Variants in CDON observed in about 807,000 individuals in gnomAD.
The protein encoded by CDON is cell adhesion associated, oncogene regulated.
CDON carries 73 observed loss-of-function variants against 120.9 expected under a neutral mutation model. That is an observed-to-expected ratio of 0.60 (90% CI 0.50 to 0.73). CDON has a LOEUF of 0.73. CDON is among the 30% of genes least tolerant of loss of function. The pLI is 0.00. For missense variants in CDON, 1,470 were observed against 1,587.3 expected, an observed-to-expected ratio of 0.93 and a Z score of 1.26; for synonymous variants, 566 against 573.5, an observed-to-expected ratio of 0.99 and a Z score of 0.19.
intron 1 of CDON, among the ~76,000 whole-genome samples, chr11:126,052,027 G>T (rs1467832741): frequency 1.3e-5 from 2 of 151,990 alleles, no homozygotes; most frequent in African/African-American, 2.4e-5. Flanking sequence ...TAGCCTAATA[G>T]GAAACCACAG....
intron 15 of CDON, among the ~76,000 whole-genome samples, 184 bp downstream of exon 15, chr11:125,989,453 T>C (rs531428170): frequency 4.6e-5 from 7 of 152,284 alleles, no homozygotes; most frequent in African/African-American, 1.4e-4. Context: ...TGAGAATCAC[T>C]TGAACCCAGG....
chr11:125,971,298 G>C (rs979794408), intron 18 of CDON, among the ~76,000 whole-genome samples: 3 of 151,954 alleles, frequency 2.0e-5, no homozygotes, highest in African/African-American at 7.3e-5. Flanking sequence ...CAGGAGAATG[G>C]CGTGAACCTG....
intron 1 of CDON, among the ~76,000 whole-genome samples, chr11:126,052,090 T>TAAAAC (rs112365084): frequency 0.035 from 5,244 of 150,620 alleles, 107 homozygotes; most frequent in Middle Eastern, 0.082. Flanking sequence ...GCCATGGGAT[T>TAAAAC]AAAACAAAAC....
At position 125,997,389 on chromosome 11, in the gene CDON, G is replaced by A. The variant is rs1470552665; in HGVS notation, c.2180C>T (p.Pro727Leu). The A allele has an allele frequency of 6.2e-7, 1 of 1,613,308 alleles. No individual in the cohort carries two copies. The highest frequency in any genetic ancestry group is 1.7e-5 in the Admixed American group (1 of 59,954). Reference protein sequence around the residue: ...HSGVPEAPDRPTISTASETSV... With the variant: ...HSGVPEAPDRLTISTASETSV... ...TGTCTCTGATGCAGTGGAGATGGTA[G>A]GCCGATCTGGTGCCTCTGGAACTAA... Residue 727 changes from proline (P) to leucine (L), a missense_variant, in exon 12 of 20, where the codon CCT (proline) becomes CTT (leucine). Physicochemically the swap from Pro to Leu is moderately conservative, Grantham distance 98. Transcript: ENST00000531738.
At chr11:126,012,496 G>C (rs1343169850) in intron 7 of CDON, among the ~76,000 whole-genome samples, 1 of 151,864 alleles carries the variant, frequency 6.6e-6, no homozygotes, top group Non-Finnish European at 1.5e-5. Context: ...CCACCTCCCG[G>C]GTTCTAGAAA....
At chr11:126,057,457 G>A (rs750690779) in intron 1 of CDON, among the ~76,000 whole-genome samples, 1 of 152,174 alleles carries the variant, frequency 6.6e-6, no homozygotes, top group Non-Finnish European at 1.5e-5. Flanking sequence ...ACTACATACT[G>A]TAGGAGTCCA....
chr11:125,981,620 G>A (rs1307784269), intron 16 of CDON, among the ~76,000 whole-genome samples: 1 of 152,160 alleles, frequency 6.6e-6, no homozygotes, highest in Non-Finnish European at 1.5e-5. Context: ...AGAGATAGCT[G>A]TGAACTCTGA....
intron 9 of CDON, chr11:126,004,475 T>C (rs1947056402): frequency 9.6e-6 from 2 of 208,840 alleles, no homozygotes; most frequent in South Asian, 1.4e-4. Context: ...CATGGTAAAT[T>C]AAGACAATAT....
chr11:125,963,249 T>G (rs529884637), intron 18 of CDON, among the ~76,000 whole-genome samples: 79 of 152,348 alleles, frequency 5.2e-4, no homozygotes, highest in Middle Eastern at 6.8e-3. Flanking sequence ...CATTATTATC[T>G]GTTGATGATC....
In CDON at chr11:126,015,230, T is replaced by A; in HGVS notation, c.1198+11A>T. On this transcript the variant is annotated intron_variant, in intron 7 of 19. Coordinates refer to ENST00000531738, the MANE Select transcript of CDON (RefSeq NM_001378964.1). ...AAAAGTTCTTATGACTGGCACGACC[T>A]AAAAGCCTACCATTTTCAATTTCAA... 1 of 1,613,722 alleles carries A rather than the reference T, an allele frequency of 6.2e-7. No individual in the cohort carries two copies.
At chr11:125,982,272 C>T (rs1394025992) in intron 16 of CDON, among the ~76,000 whole-genome samples, 3 of 152,214 alleles carry the variant, frequency 2.0e-5, no homozygotes, top group Middle Eastern at 3.4e-3. Flanking sequence ...CTCCGCCCAG[C>T]CTTCTATTTT....
rs1489303606 is a variant in CDON, at chr11:125,983,893, G to A, written c.2974C>T (p.Arg992Cys). 22 of 1,613,630 alleles carry A rather than the reference G, an allele frequency of 1.4e-5. No individual in the cohort carries two copies. The East Asian group carries it at 2.2e-4, about 16-fold the overall frequency. The change falls in exon 16 of 20, where the codon CGC (arginine) becomes TGC (cysteine). Residue 992 changes from arginine (R) to cysteine (C), a missense_variant. By Grantham distance (180) the Arg-to-Cys change is radical. Coordinates refer to ENST00000531738, the MANE Select transcript of CDON (RefSeq NM_001378964.1). ...TTACTTTGTATGGTATTCTGCTGGC[G>A]ATTCTTCCACAGGCACATTGCAATG... is the stretch of plus-strand genomic sequence containing the variant. ...VFIAMCLWKNRQQNTIQKYDP... is the reference protein window; with the variant it reads ...VFIAMCLWKNCQQNTIQKYDP...
chr11:125,992,509 C>A (rs1023589827), intron 14 of CDON, among the ~76,000 whole-genome samples: 5 of 152,282 alleles, frequency 3.3e-5, no homozygotes, highest in African/African-American at 1.2e-4. Context: ...TCCCCTTATG[C>A]CCCTTCCAGG....
chr11:125,979,599 C>A (rs1287529649), intron 17 of CDON, among the ~76,000 whole-genome samples: 1 of 152,080 alleles, frequency 6.6e-6, no homozygotes, highest in Non-Finnish European at 1.5e-5. Context: ...TGACATTGTA[C>A]ACCAAATGGG....
intron 8 of CDON, among the ~76,000 whole-genome samples, chr11:126,009,296 ACT>A (rs1406759384): frequency 6.6e-6 from 1 of 152,086 alleles, no homozygotes; most frequent in Non-Finnish European, 1.5e-5. Context: ...GCACATACGA[ACT>A]CTTTTTTATT....
intron 4 of CDON, 106 bp downstream of exon 4, chr11:126,019,513 G>T: frequency 8.2e-7 from 1 of 1,222,048 alleles, no homozygotes; most frequent in Non-Finnish European, 1.2e-6. Context: ...CTCCACTCAT[G>T]CCTTCTTGTA....
At chr11:125,996,203 CACA>C (rs1946778462) in intron 12 of CDON, among the ~76,000 whole-genome samples, 1 of 135,926 alleles carries the variant, frequency 7.4e-6, no homozygotes, top group African/African-American at 2.7e-5. Flanking sequence ...CACACACACA[CACA>C]AAGATGTACA....
intron 8 of CDON, among the ~76,000 whole-genome samples, chr11:126,009,840 C>A (rs1185742774): frequency 2.6e-5 from 4 of 152,046 alleles, no homozygotes; most frequent in African/African-American, 9.7e-5. Flanking sequence ...GTTTTTAAGT[C>A]ATCATCACAA....
At chr11:126,008,013 G>C (rs1055227239) in intron 8 of CDON, among the ~76,000 whole-genome samples, 3 of 152,108 alleles carry the variant, frequency 2.0e-5, no homozygotes, top group African/African-American at 7.2e-5. Context: ...GACTCTAAGT[G>C]GAAACTAATT....
Sources: allele counts gnomAD v4.1 joint callset (sites outside exome capture counted in the v4.1 genomes callset), GRCh38; gene constraint gnomAD v4.1.1; transcripts MANE v1.5; gene names NCBI Gene and HGNC (gene_info 2026-07-23, HGNC 2026-07-21).